Variants in ALG5 observed in about 807,000 individuals in gnomAD.
ALG5 encodes dolichyl-phosphate beta-glucosyltransferase.
A neutral mutation model predicts 51.8 loss-of-function variants in ALG5; 26 were observed. That is an observed-to-expected ratio of 0.50 (90% CI 0.37 to 0.70). ALG5 has a LOEUF of 0.70. ALG5 is among the 30% of genes least tolerant of loss of function. ALG5 has a pLI of 0.00. For missense variants in ALG5, 311 were observed against 399.3 expected, an observed-to-expected ratio of 0.78 and a Z score of 1.88; for synonymous variants, 141 against 136.1, an observed-to-expected ratio of 1.04 and a Z score of -0.25.
At chr13:36,958,179 C>T (rs967476603) in intron 8 of ALG5, among the ~76,000 whole-genome samples, 1 of 152,008 alleles carries the variant, frequency 6.6e-6, no homozygotes, top group Admixed American at 6.6e-5. Flanking sequence ...GTTCTCTTAC[C>T]CCCTTTCACT....
At chr13:36,981,406 T>C (rs2058978719) in intron 6 of ALG5, among the ~76,000 whole-genome samples, 1 of 152,244 alleles carries the variant, frequency 6.6e-6, no homozygotes, top group Non-Finnish European at 1.5e-5. Flanking sequence ...TCCTGTTTCA[T>C]TATTTTCTGA....
chr13:36,974,567 T>C (rs1461236918), intron 6 of ALG5, among the ~76,000 whole-genome samples: 2 of 152,192 alleles, frequency 1.3e-5, no homozygotes, highest in Non-Finnish European at 2.9e-5. Flanking sequence ...AATTTATTCA[T>C]GTTAAAGTTT....
intron 6 of ALG5, among the ~76,000 whole-genome samples, chr13:36,981,706 G>A (rs2058980078): frequency 6.6e-6 from 1 of 152,186 alleles, no homozygotes; most frequent in Non-Finnish European, 1.5e-5. Context: ...CCTGTACGAA[G>A]TAACAATGTA....
At chr13:36,997,315 G>C (rs2059055331) in intron 1 of ALG5, among the ~76,000 whole-genome samples, 1 of 151,620 alleles carries the variant, frequency 6.6e-6, no homozygotes, top group Admixed American at 6.6e-5. Flanking sequence ...TCTATTAAAA[G>C]TACAAAAATT....
chr13:36,953,873 T>A (rs1005366386), intron 8 of ALG5, among the ~76,000 whole-genome samples: 2 of 152,238 alleles, frequency 1.3e-5, no homozygotes, highest in African/African-American at 4.8e-5. Flanking sequence ...TGCTTTACCC[T>A]TAACTTTCCT....
rs185030221 is a variant in ALG5, at chr13:36,959,551, T to A, written c.773+6024A>T. On this transcript the variant is annotated intron_variant, in intron 8 of 9. Coordinates refer to ENST00000239891, the MANE Select transcript of ALG5 (RefSeq NM_013338.5). ...AGAACTACATTAAGGCCTAGAATTA[T>A]AATATTTCAAAACACTGTGGAGAAA... 2.3e-4 allele frequency among the ~76,000 whole-genome samples: 35 copies of A among 152,218 alleles called. No individual in the cohort carries two copies. In the East Asian group the frequency reaches 3.3e-3, roughly 14 times the overall value.
intron 8 of ALG5, among the ~76,000 whole-genome samples, chr13:36,953,984 T>C (rs1271429827): frequency 6.6e-6 from 1 of 152,092 alleles, no homozygotes; most frequent in Non-Finnish European, 1.5e-5. Flanking sequence ...AGGATATCAG[T>C]ATATAGCTAG....
intron 2 of ALG5, 134 bp from the exon 3 acceptor site, chr13:36,995,169 C>G (rs1400849458): frequency 1.2e-6 from 1 of 827,590 alleles, no homozygotes; most frequent in African/African-American, 1.7e-5. Flanking sequence ...TCATTCCCAT[C>G]TGAAATCCTG....
intron 6 of ALG5, among the ~76,000 whole-genome samples, chr13:36,982,619 A>G (rs1246946696): frequency 6.6e-6 from 1 of 152,242 alleles, no homozygotes; most frequent in Non-Finnish European, 1.5e-5. Context: ...CCTGAATTAC[A>G]TAAGTAAGAA....
At chr13:36,992,413 T>C (rs775955835) in intron 4 of ALG5, among the ~76,000 whole-genome samples, 1 of 152,222 alleles carries the variant, frequency 6.6e-6, no homozygotes, top group Non-Finnish European at 1.5e-5. Flanking sequence ...ATAAAGTCAT[T>C]ATATAAGTAG....
intron 7 of ALG5, 58 bp downstream of exon 7, chr13:36,971,919 A>AT: frequency 2.2e-6 from 3 of 1,351,702 alleles, no homozygotes; most frequent in Non-Finnish European, 3.1e-6. Flanking sequence ...ATATATATAT[A>AT]AAAAAAGAAA....
intron 6 of ALG5, among the ~76,000 whole-genome samples, chr13:36,974,865 T>A (rs1001165251): frequency 5.9e-5 from 9 of 152,286 alleles, no homozygotes; most frequent in African/African-American, 2.2e-4. Flanking sequence ...ATATTTCAAA[T>A]TTGCCCAATT....
chr13:36,957,847 C>T (rs557814583), intron 8 of ALG5, among the ~76,000 whole-genome samples: 1 of 152,212 alleles, frequency 6.6e-6, no homozygotes, highest in Non-Finnish European at 1.5e-5. Flanking sequence ...GGAACTATTC[C>T]ACCCTGGAGA....
intron 6 of ALG5, among the ~76,000 whole-genome samples, chr13:36,982,738 T>C (rs1324257915): frequency 6.6e-6 from 1 of 152,222 alleles, no homozygotes; most frequent in African/African-American, 2.4e-5. Context: ...ACTGGGTGGA[T>C]CCAAAAACTA....
At chr13:36,965,266 A>G (rs1326124172) in intron 8 of ALG5, among the ~76,000 whole-genome samples, 1 of 152,106 alleles carries the variant, frequency 6.6e-6, no homozygotes, top group Non-Finnish European at 1.5e-5. Context: ...TGGGTGCCCT[A>G]TTCTGTTTTG....
chr13:36,963,005 G>T (rs1346859778), intron 8 of ALG5, among the ~76,000 whole-genome samples: 1 of 152,094 alleles, frequency 6.6e-6, no homozygotes, highest in Non-Finnish European at 1.5e-5. Context: ...CTAAAGTACA[G>T]TGGTGCAATC....
chr13:36,955,565 T>C (rs1195872067), intron 8 of ALG5, among the ~76,000 whole-genome samples: 1 of 150,210 alleles, frequency 6.7e-6, no homozygotes, highest in Non-Finnish European at 1.5e-5. Context: ...GATTGGATAA[T>C]AAAATTGAGG....
At chr13:36,960,078 G>A (rs1285962191) in intron 8 of ALG5, among the ~76,000 whole-genome samples, 6 of 152,002 alleles carry the variant, frequency 3.9e-5, no homozygotes, top group African/African-American at 7.3e-5. Context: ...TATTACCTTC[G>A]GGAAAACAAA....
chr13:36,994,863 C>A, intron 3 of ALG5, 126 bp downstream of exon 3: 1 of 742,874 alleles, frequency 1.3e-6, no homozygotes, highest in Non-Finnish European at 2.3e-6. Context: ...AAGCAAGCAG[C>A]AGGTGGCCCA....
Sources: allele counts gnomAD v4.1 joint callset (sites outside exome capture counted in the v4.1 genomes callset), GRCh38; gene constraint gnomAD v4.1.1; transcripts MANE v1.5; gene names NCBI Gene and HGNC (gene_info 2026-07-23, HGNC 2026-07-21).